The following SLTM variants were observed in gnomAD, a reference collection of about 807,000 sequenced individuals.
SLTM encodes the protein SAFB like transcription modulator, also known as SAFB-like transcription modulator.
Under a neutral mutation model 134.6 loss-of-function variants are expected in SLTM, and 43 were observed. That is an observed-to-expected ratio of 0.32 (90% CI 0.25 to 0.41). The LOEUF is 0.41. Ranked by LOEUF, SLTM falls within the 10% of genes least tolerant of loss-of-function variation. The pLI is 1.00. For synonymous variants in SLTM, 424 were observed against 432.3 expected (o/e 0.98, Z 0.24); for missense variants, 1,055 against 1,288.8 (o/e 0.82, Z 2.78).
At chr15:58,916,903 A>G in intron 3 of SLTM, 32 bp downstream of exon 3, 1 of 1,583,510 alleles carries the variant, frequency 6.3e-7, no homozygotes, top group Non-Finnish European at 8.7e-7. Flanking sequence ...GGCTTAAAAT[A>G]AGCATCTTAA....
chr15:58,898,809 C>A lies in SLTM; in HGVS notation c.1102G>T (p.Asp368Tyr). 6.2e-7 allele frequency: 1 copy of A among 1,605,398 alleles called. No homozygotes were observed. The highest frequency in any genetic ancestry group is 1.1e-5 in the South Asian group (1 of 89,218). ...SKDSKTSSKD[D>Y]KGSTSSTSGS... ...AGGGAAAAAAATTCTTTACCTTTGT[C>A]ATCTTTAGATGATGTCTTGCTGTCT... Residue 368 changes from aspartate (D) to tyrosine (Y), a missense_variant, in exon 8 of 21, where the codon GAC becomes TAC. Around this residue, in one of 3 missense-constraint regions of SLTM, gnomAD observed 776 missense variants for 962.2 expected, o/e 0.81. Coordinates refer to ENST00000380516, the MANE Select transcript of SLTM (RefSeq NM_024755.4).
intron 5 of SLTM, among the ~76,000 whole-genome samples, chr15:58,903,372 G>T (rs754908485): frequency 6.6e-6 from 1 of 152,268 alleles, no homozygotes; most frequent in East Asian, 1.9e-4. Context: ...GCAGAAGTAC[G>T]CTGTTTAAAG....
intron 5 of SLTM, among the ~76,000 whole-genome samples, chr15:58,908,208 G>C (rs2036011429): frequency 6.6e-6 from 1 of 151,532 alleles, no homozygotes; most frequent in African/African-American, 2.4e-5. Context: ...CCACAGGTGT[G>C]CACCACCACA....
In SLTM at chr15:58,890,368, T is replaced by G. The variant is rs2034557078; in HGVS notation, c.1992A>C (p.Arg664Ser). 6.2e-7 allele frequency: 1 copy of G among 1,613,658 alleles called. No individual in the cohort carries two copies. The highest frequency in any genetic ancestry group is 1.1e-5 in the South Asian group (1 of 91,054). Residue 664 changes from arginine (R) to serine (S), a missense_variant, in exon 15 of 21, where the codon AGA becomes AGC. Physicochemically the swap from Arg to Ser is moderately radical, Grantham distance 110. This residue lies in a region of SLTM where 776 missense variants were observed against 962.2 expected (regional missense o/e 0.81). Transcript: ENST00000380516. ...REERERLQRE[R>S]ERLEIERQKL... ...TTTGCCTTTCAATTTCTAGGCGCTC[T>G]CTCTCTCTCTGTAAGCGTTCCCGTT...
chr15:58,922,097 T>C (rs2037091034), intron 2 of SLTM, among the ~76,000 whole-genome samples: 1 of 151,942 alleles, frequency 6.6e-6, no homozygotes, highest in Non-Finnish European at 1.5e-5. Flanking sequence ...ATAATGTTGC[T>C]AGGTGAGGTG....
Position 58,933,593 on chromosome 15 carries a change from A to T in SLTM, c.-28T>A, listed in dbSNP as rs1183985258. The T allele has an allele frequency of 6.4e-7, 1 of 1,552,406 alleles. No homozygotes were observed. Among genetic ancestry groups the T allele is most frequent in the African/African-American group, 1.4e-5 (1 of 70,596 alleles). On this transcript the variant is annotated 5_prime_UTR_variant, in exon 1 of 21. Transcript: ENST00000380516. Reference sequence around the variant, plus strand: ...TAGAAGAGCAGCGCGCTGCCGAGGCAGCGAGTGGGCTGCAGGGCGGCGGCA... The same window carrying T: ...TAGAAGAGCAGCGCGCTGCCGAGGCTGCGAGTGGGCTGCAGGGCGGCGGCA...
rs772228204 is a variant in SLTM at position 58,894,007 on chromosome 15, C to CA, written c.1482-21dup. 92 of 1,598,222 alleles carry CA rather than the reference C, an allele frequency of 5.8e-5. 4 individuals are homozygous for CA. In the South Asian group the frequency reaches 1.0e-3, roughly 18 times the overall value. ...TGTGTCCTGACCATACCGCCCCAGA[C>CA]AAAAAAACAGAATGAGTACTTCATA... On this transcript the variant is annotated intron_variant, in intron 11 of 20. Transcript: ENST00000380516.
intron 19 of SLTM, among the ~76,000 whole-genome samples, chr15:58,886,248 TGTGTGTGTGTGTGTGTG>T (rs2140948739): frequency 6.7e-6 from 1 of 148,234 alleles, no homozygotes; most frequent in Non-Finnish European, 1.5e-5. Context: ...TGTGTGTGTG[TGTGTGTGTGTGTGTGTG>T]TATTTTTTTT....
In SLTM at chr15:58,897,243, AT is replaced by A; in HGVS notation, c.1109-11del. ...GTACTACTTGTACTTCCTAGAATAG[AT>A]TTAATATCAGATGTTTAAGTATCTC... On this transcript the variant is annotated splice_polypyrimidine_tract_variant and intron_variant, in intron 8 of 20. Coordinates refer to ENST00000380516, the MANE Select transcript of SLTM (RefSeq NM_024755.4). 7.0e-7 allele frequency: 1 copy of A among 1,424,504 alleles called. No homozygotes were observed. Among genetic ancestry groups the A allele is most frequent in the Non-Finnish European group, 9.9e-7 (1 of 1,013,224 alleles). 88.2% of individuals were successfully genotyped at this position (1,424,504 alleles called of 1,614,324 possible). A position where few individuals can be genotyped will look rare whatever the true frequency, so the allele number is the denominator to read the frequency against.
rs1293600770 is a variant in SLTM, at chr15:58,922,201, C to A, written c.251-5202G>T. On this transcript the variant is annotated intron_variant, in intron 2 of 20. Transcript: ENST00000380516. ...AACTAGCCTGGCCAACATGGTGAAA[C>A]CCTGTCTCTACTAAAAACACAAAAA... Among the ~76,000 whole-genome samples the A allele has an allele frequency of 7.9e-5, 12 of 151,158 alleles. 1 individual carries two copies. In the South Asian group the frequency reaches 1.7e-3, roughly 21 times the overall value.
chr15:58,892,837 A>G (rs1567114063), intron 14 of SLTM, 60 bp downstream of exon 14: 1 of 1,514,486 alleles, frequency 6.6e-7, no homozygotes. Context: ...TATGGCTTAC[A>G]ACTAGTGTTA....
At position 58,879,942 on chromosome 15, in the gene SLTM, T is replaced by G; in HGVS notation, c.*57A>C. 6.3e-7 allele frequency: 1 copy of G among 1,583,062 alleles called. No individual in the cohort carries two copies. The highest frequency in any genetic ancestry group is 1.7e-4 in the Middle Eastern group (1 of 5,930). ...GAGGTCCTCTTCATAAGTAGTCAAG[T>G]AAAGTTTACAGGAGATTTCAATAAA... On this transcript the variant is annotated 3_prime_UTR_variant, in exon 21 of 21. Transcript: ENST00000380516.
chr15:58,915,969 A>T (rs1323504923), intron 3 of SLTM, among the ~76,000 whole-genome samples: 4 of 134,248 alleles, frequency 3.0e-5, no homozygotes, highest in African/African-American at 5.1e-5. Flanking sequence ...TCATTAAAAT[A>T]AAAAAAAAAT....
At chr15:58,901,405 A>C in intron 5 of SLTM, 118 bp from the exon 6 acceptor site, 6 of 755,338 alleles carry the variant, frequency 7.9e-6, no homozygotes, top group Non-Finnish European at 1.1e-5. Context: ...ATTTAGGGAT[A>C]CCTAACACTA....
intron 2 of SLTM, among the ~76,000 whole-genome samples, chr15:58,930,281 ATTTTT>A (rs34150533): frequency 5.1e-5 from 6 of 117,646 alleles, no homozygotes; most frequent in Non-Finnish European, 8.7e-5. Flanking sequence ...ATGCCCAGCT[ATTTTT>A]TTTTTTTTTT....
intron 2 of SLTM, among the ~76,000 whole-genome samples, chr15:58,920,304 G>C (rs2141178359): frequency 6.6e-6 from 1 of 152,008 alleles, no homozygotes; most frequent in South Asian, 2.1e-4. Context: ...CTGAGAGACA[G>C]AGCGACACTC....
intron 2 of SLTM, among the ~76,000 whole-genome samples, chr15:58,921,062 T>C (rs1420364647): frequency 6.6e-6 from 1 of 152,240 alleles, no homozygotes; most frequent in East Asian, 1.9e-4. Context: ...GTCGAATTTC[T>C]CTTCTTTTAG....
intron 19 of SLTM, 82 bp from the exon 20 acceptor site, chr15:58,883,868 C>T: frequency 6.1e-6 from 9 of 1,484,232 alleles, no homozygotes; most frequent in Non-Finnish European, 8.3e-6. Context: ...GAGGCTGAGG[C>T]AGGCGGATCA....
intron 2 of SLTM, among the ~76,000 whole-genome samples, chr15:58,919,339 A>C (rs2036861726): frequency 6.6e-6 from 1 of 152,236 alleles, no homozygotes; most frequent in Non-Finnish European, 1.5e-5. Context: ...TACTGCCTGT[A>C]ATCCCAGCAT....
Sources: allele counts gnomAD v4.1 joint callset (sites outside exome capture counted in the v4.1 genomes callset), GRCh38; gene constraint gnomAD v4.1.1; regional missense constraint gnomAD v4.1.1; transcripts MANE v1.5; gene names NCBI Gene and HGNC (gene_info 2026-07-23, HGNC 2026-07-21).